The following CD2AP variants were observed in gnomAD, a reference collection of about 807,000 sequenced individuals.
CD2AP encodes the protein CD2-associated protein.
Under a neutral mutation model 85.1 loss-of-function variants are expected in CD2AP, and 46 were observed. That is an observed-to-expected ratio of 0.54 (90% confidence interval 0.43 to 0.69). The LOEUF (loss-of-function observed/expected upper bound fraction) is 0.69. Among genes scored for constraint, CD2AP ranks in the 30% least tolerant of loss-of-function variants. The pLI, the probability that CD2AP is intolerant of heterozygous loss-of-function variation, is 0.00. For missense variants in CD2AP, 769 were observed against 729.5 expected (o/e 1.05, Z -0.62); for synonymous variants, 255 against 252.9 (o/e 1.01, Z -0.08).
chr6:47,551,723 C>T (rs1423131390), intron 4 of CD2AP, among the ~76,000 whole-genome samples: 1 of 151,952 alleles, frequency 6.6e-6, no homozygotes, highest in Non-Finnish European at 1.5e-5. Context: ...TTGTGTGGGG[C>T]CCTTAGCTGG....
intron 2 of CD2AP, among the ~76,000 whole-genome samples, chr6:47,517,535 C>A (rs1766484324): frequency 6.6e-6 from 1 of 152,140 alleles, no homozygotes; most frequent in Non-Finnish European, 1.5e-5. Flanking sequence ...GGTGATATGC[C>A]TGCCTTGACC....
intron 17 of CD2AP, among the ~76,000 whole-genome samples, chr6:47,620,909 G>A (rs903999383): frequency 2.0e-5 from 3 of 152,134 alleles, no homozygotes; most frequent in African/African-American, 7.2e-5. Flanking sequence ...CCGAAACTTC[G>A]CTGAATTGTT....
chr6:47,547,427 A>C (rs1165826571), intron 4 of CD2AP, among the ~76,000 whole-genome samples: 1 of 152,194 alleles, frequency 6.6e-6, no homozygotes, highest in Non-Finnish European at 1.5e-5. Context: ...GTTTAAAAAG[A>C]CAAAGAGGGA....
chr6:47,528,308 G>A (rs1766782687), intron 2 of CD2AP, among the ~76,000 whole-genome samples: 1 of 152,146 alleles, frequency 6.6e-6, no homozygotes, highest in South Asian at 2.1e-4. Flanking sequence ...CCAAGGAGCT[G>A]GGGTTACAGG....
intron 12 of CD2AP, among the ~76,000 whole-genome samples, chr6:47,597,777 G>C (rs1186724421): frequency 7.8e-6 from 1 of 127,400 alleles, no homozygotes; most frequent in Non-Finnish European, 1.9e-5. Flanking sequence ...GAGTAAGAAG[G>C]CAGGTACTGG....
chr6:47,609,386 C>A, intron 16 of CD2AP, 82 bp downstream of exon 16: 1 of 1,157,324 alleles, frequency 8.6e-7, no homozygotes, highest in Non-Finnish European at 1.3e-6. Context: ...AAGTAAAAAT[C>A]TAATCTGTGG....
chr6:47,618,761 G>A (rs1769666166), intron 17 of CD2AP, among the ~76,000 whole-genome samples: 1 of 152,106 alleles, frequency 6.6e-6, no homozygotes, highest in African/African-American at 2.4e-5. Flanking sequence ...GAGTCAAATT[G>A]TTTCTCTTTT....
intron 1 of CD2AP, among the ~76,000 whole-genome samples, chr6:47,495,004 T>A (rs565208634): frequency 2.6e-5 from 4 of 151,816 alleles, no homozygotes; most frequent in South Asian, 2.1e-4. Context: ...TACAAAAAAA[T>A]TTCAAAAAAT....
chr6:47,553,355 T>G (rs1028583791), intron 4 of CD2AP, among the ~76,000 whole-genome samples: 52 of 151,698 alleles, frequency 3.4e-4, no homozygotes, highest in Non-Finnish European at 5.0e-4. Context: ...AATTTTGTTT[T>G]TTTTTTTTTG....
intron 11 of CD2AP, 28 bp downstream of exon 11, chr6:47,582,093 A>C (rs1405713157): frequency 1.5e-6 from 2 of 1,340,150 alleles, no homozygotes; most frequent in African/African-American, 2.9e-5. Context: ...CTTTCAAAAA[A>C]GCAATTATTT....
chr6:47,555,658 C>T (rs1402018906), intron 5 of CD2AP, among the ~76,000 whole-genome samples: 1 of 152,146 alleles, frequency 6.6e-6, no homozygotes, highest in African/African-American at 2.4e-5. Context: ...GAATACTTGT[C>T]ATTGTGTCCC....
chr6:47,488,025 C>CTT lies in CD2AP; in HGVS notation c.4+9795_4+9796dup, dbSNP rs35093088. On this transcript the variant is annotated intron_variant, in intron 1 of 17. Transcript: ENST00000359314. ...CTGTTTCAAGATAATGGATGAGATCCTTTTTTTTTTTTTTTTTTTAAGAAA... is the reference window on the plus strand; with the variant it reads ...CTGTTTCAAGATAATGGATGAGATCCTTTTTTTTTTTTTTTTTTTTTAAGAAA... Among the ~76,000 whole-genome samples, 227 of 127,570 alleles carry CTT rather than the reference C, an allele frequency of 1.8e-3. 1 individual carries two copies. Among genetic ancestry groups the CTT allele is most frequent in the African/African-American group, 4.4e-3 (151 of 34,428 alleles). The allele number at this position is 127,570 out of a possible 152,430, so 83.7% of individuals were successfully genotyped here. A position where few individuals can be genotyped will look rare whatever the true frequency, so the allele number is the denominator to read the frequency against.
At chr6:47,562,347 AG>A (rs1767885268) in intron 5 of CD2AP, among the ~76,000 whole-genome samples, 2 of 152,226 alleles carry the variant, frequency 1.3e-5, no homozygotes, top group Non-Finnish European at 2.9e-5. Flanking sequence ...TACTTTACAT[AG>A]TCATAAAATA....
intron 1 of CD2AP, chr6:47,489,082 A>T (rs904091019): frequency 6.6e-6 from 1 of 151,580 alleles, no homozygotes; most frequent in Admixed American, 6.6e-5. Flanking sequence ...GTCCTCAGGT[A>T]GTGAGTTATC....
Position 47,624,232 on chromosome 6 carries a change from T to C in CD2AP, c.*5T>C. ...AAAGCTGTCCTGTCTTCTTGAGTGG[T>C]GTGGACCTGGTGTTCATAATGTTCC... On this transcript the variant is annotated 3_prime_UTR_variant, in exon 18 of 18. Coordinates refer to ENST00000359314, the MANE Select transcript of CD2AP (RefSeq NM_012120.3). 1 of 1,609,564 alleles carries C rather than the reference T, an allele frequency of 6.2e-7. No homozygotes were observed. Among genetic ancestry groups the C allele is most frequent in the Non-Finnish European group, 8.5e-7 (1 of 1,176,080 alleles).
chr6:47,478,606 C>T lies in CD2AP; in HGVS notation c.4+358C>T, dbSNP rs9473118. On this transcript the variant is annotated intron_variant, in intron 1 of 17. Transcript: ENST00000359314. ...CTTCCTCATCCCCTTGCTTCCCTCC[C>T]CCTCCTCGTGGGATGGGGGAGGGCG... Among the ~76,000 whole-genome samples the T allele has an allele frequency of 8.8e-3, 1,336 of 152,328 alleles. 26 individuals are homozygous for T. Among genetic ancestry groups the T allele is most frequent in the African/African-American group, 0.031 (1,269 of 41,580 alleles).
chr6:47,600,465 T>C (rs983236232), intron 13 of CD2AP, among the ~76,000 whole-genome samples: 1 of 151,932 alleles, frequency 6.6e-6, no homozygotes, highest in African/African-American at 2.4e-5. Flanking sequence ...CCTCTTTCAG[T>C]TTGCGAATGC....
chr6:47,512,229 C>A (rs1766337029), intron 2 of CD2AP, among the ~76,000 whole-genome samples: 1 of 151,786 alleles, frequency 6.6e-6, no homozygotes, highest in Non-Finnish European at 1.5e-5. Context: ...GTAGTCCCAG[C>A]CACCCAGGAG....
At chr6:47,601,424 G>A (rs1769128722) in intron 13 of CD2AP, among the ~76,000 whole-genome samples, 1 of 151,910 alleles carries the variant, frequency 6.6e-6, no homozygotes, top group African/African-American at 2.4e-5. Context: ...TACCTTTGGT[G>A]TACTATACTT....
Sources: allele counts gnomAD v4.1 joint callset (sites outside exome capture counted in the v4.1 genomes callset), GRCh38; gene constraint gnomAD v4.1.1; transcripts MANE v1.5; gene names NCBI Gene and HGNC (gene_info 2026-07-23, HGNC 2026-07-21).